Variants in EYA3 observed in about 807,000 individuals in gnomAD.
EYA3 encodes EYA transcriptional coactivator and phosphatase 3, also known as protein phosphatase EYA3.
A neutral mutation model predicts 80.0 loss-of-function variants in EYA3; 39 were observed. That is an observed-to-expected ratio of 0.49 (90% CI 0.38 to 0.64). The LOEUF is 0.64. EYA3 is among the 30% of genes least tolerant of loss of function. The pLI is 0.00. For synonymous variants in EYA3, 206 were observed against 232.8 expected (o/e 0.88, Z 1.05); for missense variants, 523 against 676.1 (o/e 0.77, Z 2.51).
At chr1:28,077,074 A>C (rs1032821280) in intron 1 of EYA3, among the ~76,000 whole-genome samples, 2 of 148,346 alleles carry the variant, frequency 1.3e-5, no homozygotes, top group Non-Finnish European at 3.0e-5. Context: ...CTTAACAAAA[A>C]TCATCCTTTG....
In EYA3 at chr1:28,035,356, C is replaced by T. The variant is rs1643387206; in HGVS notation, c.361+188G>A. ...CTTCAGGGTCAAGACTTAGTACATA[C>T]AAAATAGCTAAATGAGTACTGAAAA... On this transcript the variant is annotated intron_variant, in intron 6 of 17. Transcript: ENST00000373871. 1.3e-5 allele frequency among the ~76,000 whole-genome samples: 2 copies of T among 152,206 alleles called. 1 individual carries two copies. The highest frequency in any genetic ancestry group is 4.1e-4 in the South Asian group (2 of 4,824).
At position 28,017,151 on chromosome 1, in the gene EYA3, T is replaced by C; in HGVS notation, c.585+3A>G. ...AACAGGATGAACAAAGGTAGCATCA[T>C]ACCTGGTTTGAGATGCTGGCTACTG... On this transcript the variant is annotated splice_donor_region_variant and intron_variant, in intron 8 of 17. Coordinates refer to ENST00000373871, the MANE Select transcript of EYA3 (RefSeq NM_001990.4). 6.2e-7 allele frequency: 1 copy of C among 1,609,494 alleles called. No homozygotes were observed. Among genetic ancestry groups the C allele is most frequent in the Non-Finnish European group, 8.5e-7 (1 of 1,175,868 alleles).
At chr1:28,011,910 T>C (rs150012713) in intron 9 of EYA3, among the ~76,000 whole-genome samples, 2,346 of 152,302 alleles carry the variant, frequency 0.015, 35 homozygotes, top group Non-Finnish European at 0.026. Flanking sequence ...TTTTGAAATA[T>C]GTATACACTG....
At chr1:28,030,577 G>A (rs1037495445) in intron 6 of EYA3, among the ~76,000 whole-genome samples, 2 of 152,142 alleles carry the variant, frequency 1.3e-5, no homozygotes, top group Non-Finnish European at 2.9e-5. Flanking sequence ...ATGGGTCACC[G>A]TGCCTGGCTT....
chr1:28,082,279 T>C lies in EYA3; in HGVS notation c.-69+6245A>G, dbSNP rs868429782. ...GTTTTCAAAATATTCAGAAAAATAA[T>C]ATCATTATCTGAGTACAAGACTCCT... On this transcript the variant is annotated intron_variant, in intron 1 of 17. Coordinates refer to ENST00000373871, the MANE Select transcript of EYA3 (RefSeq NM_001990.4). 6.2e-4 allele frequency among the ~76,000 whole-genome samples: 94 copies of C among 152,172 alleles called. 1 individual carries two copies. Among genetic ancestry groups the C allele is most frequent in the African/African-American group, 2.2e-3 (92 of 41,456 alleles).
chr1:28,039,551 C>T (rs1247835205), intron 4 of EYA3, among the ~76,000 whole-genome samples: 1 of 152,100 alleles, frequency 6.6e-6, no homozygotes, highest in Admixed American at 6.6e-5. Context: ...CCTCTTGACC[C>T]CCATGACTTC....
At chr1:28,003,605 G>A (rs555788764) in intron 11 of EYA3, among the ~76,000 whole-genome samples, 2 of 152,134 alleles carry the variant, frequency 1.3e-5, no homozygotes, top group African/African-American at 2.4e-5. Context: ...ATGGGGTCTC[G>A]CTAAGTTGCC....
rs1371365580 is a variant in EYA3 at position 28,024,234 on chromosome 1, G to A, written c.499+3555C>T. The stretch of plus-strand genomic sequence containing the variant: ...AGCCTGGGTGACAGAGCAAGACTCC[G>A]TCTCAAAAAACAACAAACAAGCAAA... On this transcript the variant is annotated intron_variant, in intron 7 of 17. Coordinates refer to ENST00000373871, the MANE Select transcript of EYA3 (RefSeq NM_001990.4). Among the ~76,000 whole-genome samples, 5 of 151,828 alleles carry A rather than the reference G, an allele frequency of 3.3e-5. No homozygotes were observed. The East Asian group carries it at 5.8e-4, about 18-fold the overall frequency.
chr1:28,000,637 A>G (rs533583013), intron 11 of EYA3, among the ~76,000 whole-genome samples: 2 of 152,174 alleles, frequency 1.3e-5, no homozygotes, highest in East Asian at 3.9e-4. Flanking sequence ...AAAAAGATAC[A>G]ATGCTGACCA....
chr1:28,071,181 C>T (rs1645009754), intron 1 of EYA3, among the ~76,000 whole-genome samples: 1 of 152,182 alleles, frequency 6.6e-6, no homozygotes, highest in Non-Finnish European at 1.5e-5. Context: ...GCCTCAGCCT[C>T]CCAAAGTGTT....
chr1:28,010,093 C>T (rs1177779264), intron 10 of EYA3, among the ~76,000 whole-genome samples: 3 of 152,106 alleles, frequency 2.0e-5, no homozygotes, highest in Non-Finnish European at 4.4e-5. Context: ...CTCAGTTCAC[C>T]TATGTCTTAA....
At position 28,009,866 on chromosome 1, in the gene EYA3, G is replaced by C. The variant is rs1641571218; in HGVS notation, c.909+1081C>G. Among the ~76,000 whole-genome samples the C allele has an allele frequency of 6.6e-6, 1 of 152,146 alleles. No homozygotes were observed. Among genetic ancestry groups the C allele is most frequent in the African/African-American group, 2.4e-5 (1 of 41,420 alleles). ...CATTTGGAATCATGAAAAAGTTCTA[G>C]AAATATACAGTGGTGATGGTTAGAC... is the stretch of plus-strand genomic sequence containing the variant. On this transcript the variant is annotated intron_variant, in intron 10 of 17. Transcript: ENST00000373871. This position sits in a 1 kb window ranked among gnomAD's most constrained non-coding sequence, Gnocchi z 4.8.
Position 28,035,617 on chromosome 1 carries a change from G to A in EYA3, c.288C>T (p.Tyr96=), listed in dbSNP as rs779718757. ...SETAYPGQTQ[Y]QTLQQTQPYA... ...AGGGTTGAGTCTGCTGTAGTGTCTG[G>A]TATTGAGTCTGTCCAGGGTAAGCAG... The change falls in exon 6 of 18, where the codon TAC becomes TAT. Residue 96 remains tyrosine (Y), a synonymous_variant. Coordinates refer to ENST00000373871, the MANE Select transcript of EYA3 (RefSeq NM_001990.4). 2.5e-6 allele frequency: 4 copies of A among 1,614,070 alleles called. No homozygotes were observed. The Admixed American group carries it at 6.7e-5, about 27-fold the overall frequency.
At chr1:28,051,091 C>T (rs1217803382) in intron 2 of EYA3, among the ~76,000 whole-genome samples, 1 of 152,120 alleles carries the variant, frequency 6.6e-6, no homozygotes, top group Admixed American at 6.6e-5. Context: ...GAATTGGGGC[C>T]ATACCAGGAC....
Position 27,982,710 on chromosome 1 carries a change from C to T in EYA3, c.1541-4236G>A, listed in dbSNP as rs191415227. On this transcript the variant is annotated intron_variant, in intron 16 of 17. Coordinates refer to ENST00000373871, the MANE Select transcript of EYA3 (RefSeq NM_001990.4). ...TGGGTTCAAGCTATTCTCAGGCCCC[C>T]GAGGAGCTGGGATTACAGGCGCACA... Among the ~76,000 whole-genome samples, 46 of 151,920 alleles carry T rather than the reference C, an allele frequency of 3.0e-4. No individual in the cohort carries two copies. In the East Asian group the frequency reaches 8.4e-3, roughly 28 times the overall value.
Position 28,027,935 on chromosome 1 carries a change from G to A in EYA3, c.362-9C>T. The stretch of plus-strand genomic sequence containing the variant: ...ACCTGGCCACAATGCACCTGAATCA[G>A]ATAAATTGGACCAATTACAAACAAT... On this transcript the variant is annotated splice_polypyrimidine_tract_variant and intron_variant, in intron 6 of 17. Coordinates refer to ENST00000373871, the MANE Select transcript of EYA3 (RefSeq NM_001990.4). The A allele has an allele frequency of 6.2e-7, 1 of 1,614,002 alleles. No individual in the cohort carries two copies. The highest frequency in any genetic ancestry group is 8.5e-7 in the Non-Finnish European group (1 of 1,179,928).
intron 8 of EYA3, among the ~76,000 whole-genome samples, chr1:28,014,242 CCTT>C (rs1641884887): frequency 6.6e-6 from 1 of 151,458 alleles, no homozygotes; most frequent in Non-Finnish European, 1.5e-5. Flanking sequence ...AATAGTGAGA[CCTT>C]CTCTCTACTA....
intron 16 of EYA3, among the ~76,000 whole-genome samples, chr1:27,987,445 A>C (rs956338469): frequency 6.6e-6 from 1 of 152,174 alleles, no homozygotes; most frequent in African/African-American, 2.4e-5. Flanking sequence ...TATCTCTTTG[A>C]GACCCTGCTT....
At chr1:27,982,005 ATTTTTTT>A (rs553550162) in intron 16 of EYA3, among the ~76,000 whole-genome samples, 5 of 133,222 alleles carry the variant, frequency 3.8e-5, no homozygotes, top group Non-Finnish European at 8.0e-5. Flanking sequence ...CACCTGGCTA[ATTTTTTT>A]TTTTTTTTTT....
Sources: allele counts gnomAD v4.1 joint callset (sites outside exome capture counted in the v4.1 genomes callset), GRCh38; gene constraint gnomAD v4.1.1; non-coding constraint Gnocchi (gnomAD v3.1); transcripts MANE v1.5; gene names NCBI Gene and HGNC (gene_info 2026-07-23, HGNC 2026-07-21).